The following SCLY variants were observed in gnomAD, a reference collection of about 807,000 sequenced individuals.
SCLY encodes the protein putative selenocysteine lyase.
Under a neutral mutation model 50.1 loss-of-function variants are expected in SCLY, and 38 were observed. That is an observed-to-expected ratio of 0.76 (90% CI 0.59 to 0.99). SCLY has a LOEUF of 0.99. SCLY is among the 50% of genes least tolerant of loss of function. The probability of loss-of-function intolerance (pLI) is 0.00; values close to 1 mark genes in which losing one functional copy is unlikely to be tolerated. For missense variants in SCLY, 600 were observed against 620.0 expected (o/e 0.97, Z 0.34); for synonymous variants, 243 against 249.4 (o/e 0.97, Z 0.24).
chr2:238,094,861 G>T, intron 10 of SCLY: 1 of 272,106 alleles, frequency 3.7e-6, no homozygotes, highest in Non-Finnish European at 6.9e-6. Context: ...TTTGTTGGCA[G>T]TTTTAATTAA....
At chr2:238,098,140 G>C in intron 11 of SCLY, 62 bp from the exon 12 acceptor site, 3 of 1,573,268 alleles carry the variant, frequency 1.9e-6, no homozygotes, top group Non-Finnish European at 2.6e-6. Flanking sequence ...CCAGAGCAGG[G>C]GGGGCTGTGT....
At chr2:238,070,992 C>T (rs148903862) in intron 4 of SCLY, among the ~76,000 whole-genome samples, 24 of 151,984 alleles carry the variant, frequency 1.6e-4, no homozygotes, top group East Asian at 7.8e-4. Context: ...CCACCATGCC[C>T]GGCTGATTTT....
intron 4 of SCLY, among the ~76,000 whole-genome samples, chr2:238,076,280 C>T (rs981246578): frequency 3.3e-5 from 5 of 152,058 alleles, no homozygotes; most frequent in African/African-American, 7.2e-5. Flanking sequence ...TTAATAGAGA[C>T]GGGGTTTTGC....
At chr2:238,088,323 G>T (rs2065322872) in intron 7 of SCLY, among the ~76,000 whole-genome samples, 1 of 152,134 alleles carries the variant, frequency 6.6e-6, no homozygotes, top group Non-Finnish European at 1.5e-5. Flanking sequence ...TTAGCCAGGT[G>T]TGGTGGCAGA....
chr2:238,087,839 C>T (rs942408853), intron 7 of SCLY, among the ~76,000 whole-genome samples: 2 of 152,160 alleles, frequency 1.3e-5, no homozygotes, highest in African/African-American at 4.8e-5. Flanking sequence ...CGTGTAATCC[C>T]AGCACTTTGG....
Position 238,098,566 on chromosome 2 carries a change from A to ACCG in SCLY, c.*212_*213insCGC. The ACCG allele has an allele frequency of 2.1e-6, 1 of 469,796 alleles. No homozygotes were observed. Among genetic ancestry groups the ACCG allele is most frequent in the Non-Finnish European group, 3.5e-6 (1 of 282,862 alleles). The allele number at this position is 469,796 out of a possible 1,614,324, so 29.1% of individuals were successfully genotyped here. A position where few individuals can be genotyped will look rare whatever the true frequency, so the allele number is the denominator to read the frequency against. On this transcript the variant is annotated 3_prime_UTR_variant, in exon 12 of 12. Coordinates refer to ENST00000254663, the MANE Select transcript of SCLY (RefSeq NM_016510.7). ...GCCCAGGACACCAACGCCGCATAGG[A>ACCG]CTGCCCACATGGGACCGCCCACATA...
At chr2:238,065,660 T>TTTAGTATTATTA in intron 2 of SCLY, among the ~76,000 whole-genome samples, 2 of 143,506 alleles carry the variant, frequency 1.4e-5, no homozygotes, top group East Asian at 4.0e-4. Flanking sequence ...AATATTTTAT[T>TTTAGTATTATTA]TTATTATTAT....
intron 4 of SCLY, among the ~76,000 whole-genome samples, chr2:238,074,969 T>C (rs939024791): frequency 5.9e-5 from 9 of 152,338 alleles, no homozygotes; most frequent in Admixed American, 4.6e-4. Flanking sequence ...GTGGCCAAGG[T>C]GGATATCCTT....
chr2:238,096,971 T>TC, intron 11 of SCLY, 95 bp downstream of exon 11: 2 of 1,245,142 alleles, frequency 1.6e-6, no homozygotes, highest in Non-Finnish European at 2.2e-6. Context: ...TGGGCCGCAC[T>TC]CTGGCTGGTG....
At chr2:238,089,424 C>A (rs1194148496) in intron 7 of SCLY, among the ~76,000 whole-genome samples, 1 of 152,074 alleles carries the variant, frequency 6.6e-6, no homozygotes, top group African/African-American at 2.4e-5. Context: ...GCAGATACAA[C>A]CGCAGGAGAC....
chr2:238,082,318 G>A lies in SCLY; in HGVS notation c.777+109G>A, dbSNP rs973072849. The A allele has an allele frequency of 2.0e-5, 23 of 1,138,052 alleles. No individual in the cohort carries two copies. In the Admixed American group the frequency reaches 5.6e-4, roughly 28 times the overall value. 70.5% of individuals were successfully genotyped at this position (1,138,052 alleles called of 1,614,324 possible). ...GCCCACCGTGAGCCAGGCCTTGGGGGCACTGCGAGGAGCAACGTGGGATCC... is the reference window on the plus strand; with the variant it reads ...GCCCACCGTGAGCCAGGCCTTGGGGACACTGCGAGGAGCAACGTGGGATCC... On this transcript the variant is annotated intron_variant, in intron 6 of 11. Transcript: ENST00000254663.
chr2:238,090,501 A>G (rs1192623610), intron 7 of SCLY, among the ~76,000 whole-genome samples: 2 of 152,176 alleles, frequency 1.3e-5, no homozygotes, highest in African/African-American at 2.4e-5. Context: ...TTAGCTGGGC[A>G]TGGCGGCACA....
chr2:238,082,102 G>T lies in SCLY; in HGVS notation c.670G>T (p.Gly224Trp). Residue 224 changes from glycine (G) to tryptophan (W), a missense_variant, in exon 6 of 12, where the codon GGG (glycine) becomes TGG (tryptophan). Coordinates refer to ENST00000254663, the MANE Select transcript of SCLY (RefSeq NM_016510.7). ...KALNQERVAA[G>W]LPPILVHTDA... is the part of the protein sequence containing the mutation. Reference sequence around the variant, plus strand: ...CCTGAACCAGGAACGGGTGGCAGCTGGGCTACCTCCCATCCTCGTGCACAC... The same window carrying T: ...CCTGAACCAGGAACGGGTGGCAGCTTGGCTACCTCCCATCCTCGTGCACAC... The T allele has an allele frequency of 6.2e-7, 1 of 1,613,720 alleles. No individual in the cohort carries two copies. The highest frequency in any genetic ancestry group is 8.5e-7 in the Non-Finnish European group (1 of 1,180,002).
chr2:238,069,190 A>G lies in SCLY; in HGVS notation c.304-107A>G. 2.9e-6 allele frequency: 3 copies of G among 1,040,094 alleles called. No individual in the cohort carries two copies. Among genetic ancestry groups the G allele is most frequent in the Non-Finnish European group, 4.1e-6 (3 of 725,614 alleles). 64.4% of individuals were successfully genotyped at this position (1,040,094 alleles called of 1,614,324 possible). On this transcript the variant is annotated intron_variant, in intron 3 of 11. Transcript: ENST00000254663. This position sits in a 1 kb window ranked among gnomAD's most constrained non-coding sequence, Gnocchi z 5.0. ...CACTCAGGAAGTTGAATTTCTTTGA[A>G]GCTTTTTTGATGTTAGCCACAAAAG...
At chr2:238,097,872 G>T (rs1438727003) in intron 11 of SCLY, among the ~76,000 whole-genome samples, 2 of 152,072 alleles carry the variant, frequency 1.3e-5, no homozygotes, top group Non-Finnish European at 2.9e-5. Flanking sequence ...GTCTGTGTCG[G>T]CATCCGTGTT....
chr2:238,065,032 G>A (rs1457841002), intron 2 of SCLY: 1 of 152,176 alleles, frequency 6.6e-6, no homozygotes, highest in Non-Finnish European at 1.5e-5. Context: ...AGATGAGCAA[G>A]CTAAAGTCTT....
At chr2:238,063,229 T>C (rs960549721) in intron 1 of SCLY, among the ~76,000 whole-genome samples, 3 of 149,846 alleles carry the variant, frequency 2.0e-5, no homozygotes, top group Non-Finnish European at 4.4e-5. Context: ...GTGGCTGCAG[T>C]TTTGTGGGTT....
At chr2:238,091,539 T>TA in intron 8 of SCLY, 4 of 401,116 alleles carry the variant, frequency 1.0e-5, no homozygotes, top group East Asian at 9.2e-5. Context: ...AGTGTCAAGC[T>TA]GCAGGTTCAC....
chr2:238,096,666 G>C, intron 10 of SCLY, 135 bp from the exon 11 acceptor site: 1 of 929,286 alleles, frequency 1.1e-6, no homozygotes, highest in Non-Finnish European at 1.7e-6. Flanking sequence ...CCAGCTGCCA[G>C]AATGGCCAGT....
Sources: gnomAD v4.1 joint callset for allele counts (sites outside exome capture counted in the v4.1 genomes callset) on GRCh38, gnomAD v4.1.1 for gene constraint, Gnocchi (gnomAD v3.1) non-coding constraint, MANE v1.5 for transcripts, NCBI Gene and HGNC (gene_info 2026-07-23, HGNC 2026-07-21) for gene names.